EYA3: variants seen among roughly 807,000 people sequenced by gnomAD.
The protein encoded by EYA3 is EYA transcriptional coactivator and phosphatase 3, also known as protein phosphatase EYA3.
A neutral mutation model predicts 80.0 loss-of-function variants in EYA3; 39 were observed. The ratio of observed to expected loss-of-function variants is 0.49; its 90% CI spans 0.38 to 0.64. The LOEUF (loss-of-function observed/expected upper bound fraction) is 0.64. Ranked by LOEUF, EYA3 falls within the 30% of genes least tolerant of loss-of-function variation. EYA3 has a pLI of 0.00. For missense variants in EYA3, 523 were observed against 676.1 expected (o/e 0.77, Z 2.51); for synonymous variants, 206 against 232.8 (o/e 0.88, Z 1.05).
At chr1:28,061,748 C>T (rs1435672517) in intron 1 of EYA3, among the ~76,000 whole-genome samples, 3 of 152,084 alleles carry the variant, frequency 2.0e-5, no homozygotes, top group African/African-American at 2.4e-5. Flanking sequence ...TACAGGCGCC[C>T]GCCACCACGC....
At chr1:28,026,019 A>G (rs1306991119) in intron 7 of EYA3, among the ~76,000 whole-genome samples, 1 of 152,192 alleles carries the variant, frequency 6.6e-6, no homozygotes, top group Non-Finnish European at 1.5e-5. Context: ...TCGGCCTCCC[A>G]AAGTGCTAGG....
chr1:28,037,890 A>C (rs928661349), intron 5 of EYA3, among the ~76,000 whole-genome samples: 4 of 152,206 alleles, frequency 2.6e-5, no homozygotes, highest in Admixed American at 6.5e-5. Context: ...AGCAGCTGTA[A>C]GCACATAAGC....
chr1:28,020,667 C>CGTGTGTGTGTGTGTGTGTGTGTGTGT (rs56017264), intron 7 of EYA3, among the ~76,000 whole-genome samples: 2 of 134,478 alleles, frequency 1.5e-5, no homozygotes, highest in African/African-American at 2.9e-5. Context: ...TACAGATCAT[C>CGTGTGTGTGTGTGTGTGTGTGTGTGT]GTGTGTGTGT....
chr1:27,989,232 A>G (rs1639869517), intron 15 of EYA3, among the ~76,000 whole-genome samples: 1 of 152,212 alleles, frequency 6.6e-6, no homozygotes, highest in South Asian at 2.1e-4. Context: ...TGGTGCAGAC[A>G]CAGACTGGTG....
intron 3 of EYA3, among the ~76,000 whole-genome samples, chr1:28,047,787 C>A (rs978639336): frequency 2.0e-5 from 3 of 151,992 alleles, no homozygotes; most frequent in Non-Finnish European, 4.4e-5. Flanking sequence ...CACAGGCGCC[C>A]GCCAACACGC....
At chr1:28,068,099 G>A (rs1644896295) in intron 1 of EYA3, among the ~76,000 whole-genome samples, 1 of 152,042 alleles carries the variant, frequency 6.6e-6, no homozygotes, top group Non-Finnish European at 1.5e-5. Context: ...ACTTTGGGAG[G>A]CTGAGGCAGG....
intron 15 of EYA3, among the ~76,000 whole-genome samples, chr1:27,989,063 C>T (rs188962128): frequency 6.6e-6 from 1 of 152,336 alleles, no homozygotes; most frequent in Non-Finnish European, 1.5e-5. Context: ...GATTTGTGTT[C>T]GCTTTGCTCT....
At chr1:28,061,141 TC>T (rs1644608015) in intron 1 of EYA3, among the ~76,000 whole-genome samples, 1 of 152,074 alleles carries the variant, frequency 6.6e-6, no homozygotes, top group South Asian at 2.1e-4. Context: ...GATTACAAAA[TC>T]CCCCGGGATT....
intron 2 of EYA3, among the ~76,000 whole-genome samples, chr1:28,053,180 A>G (rs1293831039): frequency 1.5e-4 from 17 of 113,638 alleles, no homozygotes; most frequent in Admixed American, 1.5e-3. Context: ...AAAAAAAAAC[A>G]GAAAAAGAAA....
At chr1:27,980,798 G>A (rs1297312504) in intron 16 of EYA3, among the ~76,000 whole-genome samples, 2 of 152,184 alleles carry the variant, frequency 1.3e-5, no homozygotes, top group African/African-American at 2.4e-5. Context: ...AGCACTTTGG[G>A]AGGCCTAAGG....
At chr1:27,977,178 A>G (rs1638973721) in intron 17 of EYA3, 2 of 1,455,186 alleles carry the variant, frequency 1.4e-6, no homozygotes, top group Non-Finnish European at 9.0e-7. Context: ...GAAGCACTTT[A>G]GAATCAAAGC....
intron 7 of EYA3, among the ~76,000 whole-genome samples, chr1:28,027,452 C>CA (rs1642854055): frequency 6.6e-6 from 1 of 152,160 alleles, no homozygotes; most frequent in African/African-American, 2.4e-5. Flanking sequence ...AGCAAAATTC[C>CA]AACCCATGGA....
At chr1:28,056,628 T>C (rs1167133046) in intron 2 of EYA3, among the ~76,000 whole-genome samples, 1 of 152,230 alleles carries the variant, frequency 6.6e-6, no homozygotes, top group Non-Finnish European at 1.5e-5. Context: ...CTTCAATTTC[T>C]TACCTTTCTC....
rs1458123904 is a variant in EYA3 at position 28,084,570 on chromosome 1, TATATATATATATATATATATATATA to T, written c.-69+3929_-69+3953del. Among the ~76,000 whole-genome samples, 64 of 10,312 alleles carry T rather than the reference TATATATATATATATATATATATATA, an allele frequency of 6.2e-3. 2 individuals carry two copies. In the South Asian group the frequency reaches 0.1, roughly 17 times the overall value. The allele number at this position is 10,312 out of a possible 152,430, so 6.8% of individuals were successfully genotyped here. A position where few individuals can be genotyped will look rare whatever the true frequency, so the allele number is the denominator to read the frequency against. On this transcript the variant is annotated intron_variant, in intron 1 of 17. Transcript: ENST00000373871. ...GACTATTCCAAAATATATATATATATATATATATATATATATATATATATATTTTTTTTTTTTTTTTTTTTTTTTT... is the reference window on the plus strand; with the variant it reads ...GACTATTCCAAAATATATATATATATTTTTTTTTTTTTTTTTTTTTTTTTT...
chr1:28,081,788 C>T (rs952366828), intron 1 of EYA3, among the ~76,000 whole-genome samples: 3 of 152,150 alleles, frequency 2.0e-5, no homozygotes, highest in Non-Finnish European at 4.4e-5. Flanking sequence ...CTAATGTATT[C>T]CCGTAGTAAC....
intron 1 of EYA3, among the ~76,000 whole-genome samples, chr1:28,069,455 G>A (rs767731977): frequency 2.6e-5 from 4 of 151,666 alleles, no homozygotes; most frequent in Admixed American, 6.6e-5. Context: ...GGGAAGGGGC[G>A]GCTGAGGTAG....
chr1:28,087,733 T>C (rs113156082), intron 1 of EYA3, among the ~76,000 whole-genome samples: 1 of 152,162 alleles, frequency 6.6e-6, no homozygotes, highest in East Asian at 1.9e-4. Context: ...CTGACAGAAC[T>C]TCTTCATGAC....
At chr1:28,058,848 C>T in intron 1 of EYA3, among the ~76,000 whole-genome samples, 1 of 152,148 alleles carries the variant, frequency 6.6e-6, no homozygotes, top group Non-Finnish European at 1.5e-5. Flanking sequence ...TTACCATGTC[C>T]TACTGACAGG....
chr1:28,004,654 A>C (rs191088627), intron 10 of EYA3, among the ~76,000 whole-genome samples: 3 of 152,212 alleles, frequency 2.0e-5, no homozygotes, highest in African/African-American at 7.2e-5. Flanking sequence ...AAGCAGTGCT[A>C]AGAGGAAAAA....
Sources: allele counts gnomAD v4.1 joint callset (sites outside exome capture counted in the v4.1 genomes callset), GRCh38; gene constraint gnomAD v4.1.1; transcripts MANE v1.5; gene names NCBI Gene and HGNC (gene_info 2026-07-23, HGNC 2026-07-21).